MYH14: variants seen among roughly 807,000 people sequenced by gnomAD.
MYH14 encodes the protein myosin-14.
In MYH14, 123 loss-of-function variants were observed where a neutral mutation model predicts 255.5. The observed-to-expected ratio is 0.48, with a 90% confidence interval of 0.42 to 0.56. The LOEUF is 0.56. Among genes scored for constraint, MYH14 ranks in the 20% least tolerant of loss-of-function variants. MYH14 has a pLI of 0.00. For missense variants in MYH14, 2,423 were observed against 2,802.3 expected, an observed-to-expected ratio of 0.86 and a Z score of 3.06; for synonymous variants, 1,095 against 1,161.2, an observed-to-expected ratio of 0.94 and a Z score of 1.16.
At position 50,247,038 on chromosome 19, in the gene MYH14, G is replaced by A. The variant is rs765941822; in HGVS notation, c.1245G>A (p.Gly415=). The change falls in exon 12 of 43, where the codon GGG becomes GGA. Residue 415 remains glycine, a synonymous_variant. Coordinates refer to ENST00000642316, the MANE Select transcript of MYH14 (RefSeq NM_001145809.2). ...AGCTCTGCCGCCTCTTGGGACTGGG[G>A]GTGACGGATTTCTCCCGAGCCTTGC... The part of the protein sequence containing the change: ...AQKLCRLLGL[G]VTDFSRALLT... The A allele has an allele frequency of 7.4e-6, 12 of 1,613,012 alleles. No individual in the cohort carries two copies. The South Asian group carries it at 1.2e-4, about 16-fold the overall frequency.
chr19:50,219,954 A>G (rs1203583463), intron 3 of MYH14, among the ~76,000 whole-genome samples: 3 of 152,096 alleles, frequency 2.0e-5, no homozygotes, highest in Non-Finnish European at 4.4e-5. Context: ...TAATCCCAGC[A>G]CTTTGGGAGG....
intron 34 of MYH14, among the ~76,000 whole-genome samples, chr19:50,288,319 G>A (rs938700235): frequency 5.9e-5 from 9 of 152,264 alleles, no homozygotes; most frequent in East Asian, 1.9e-4. Flanking sequence ...GCACTTAGAC[G>A]TTGATCCGAT....
chr19:50,278,189 G>A lies in MYH14; in HGVS notation c.3932G>A (p.Arg1311Gln), dbSNP rs747431212. The A allele has an allele frequency of 3.1e-6, 5 of 1,611,768 alleles. No individual in the cohort carries two copies. Among genetic ancestry groups the A allele is most frequent in the East Asian group, 2.2e-5 (1 of 44,816 alleles). Reference sequence around the variant, plus strand: ...ACTGCACGTCAGGAGGGTGAGCAGCGGAGGCGCCGCCTGGAGTTACAGCTG... The same window carrying A: ...ACTGCACGTCAGGAGGGTGAGCAGCAGAGGCGCCGCCTGGAGTTACAGCTG... ...LQTARQEGEQ[R>Q]RRRLELQLQE... Residue 1311 changes from arginine to glutamine, a missense_variant, in exon 30 of 43, where the codon CGG becomes CAG. Physicochemically the swap from Arg to Gln is conservative, Grantham distance 43. Coordinates refer to ENST00000642316, the MANE Select transcript of MYH14 (RefSeq NM_001145809.2).
chr19:50,268,507 C>T (rs958239504), intron 24 of MYH14, 140 bp downstream of exon 24: 17 of 943,780 alleles, frequency 1.8e-5, no homozygotes, highest in Admixed American at 5.3e-5. Context: ...AAAAAGAATA[C>T]ATTTTTGATT....
intron 16 of MYH14, among the ~76,000 whole-genome samples, chr19:50,254,797 T>C (rs1475334236): frequency 5.9e-5 from 9 of 152,164 alleles, no homozygotes; most frequent in African/African-American, 2.2e-4. Context: ...ATGCCCAGCA[T>C]CCTGACAGCC....
chr19:50,268,013 G>A, intron 23 of MYH14, 148 bp from the exon 24 acceptor site: 8 of 944,044 alleles, frequency 8.5e-6, no homozygotes, highest in Non-Finnish European at 1.1e-5. Flanking sequence ...ACCTGAGGGG[G>A]AGGAGGTGGG....
rs1477325322 is a variant in MYH14, at chr19:50,252,004, A to G, written c.1831-635A>G. Among the ~76,000 whole-genome samples, 1 of 152,166 alleles carries G rather than the reference A, an allele frequency of 6.6e-6. No individual in the cohort carries two copies. The highest frequency in any genetic ancestry group is 1.5e-5 in the Non-Finnish European group (1 of 68,030). The stretch of plus-strand genomic sequence containing the variant: ...CCCAGAGGATGGGTGAAGGGTGGGA[A>G]GGGCTCTCCAGGCAGAGGGAACAGC... On this transcript the variant is annotated intron_variant, in intron 15 of 42. Transcript: ENST00000642316. This position sits in a 1 kb window ranked among gnomAD's most constrained non-coding sequence, Gnocchi z 4.2.
At chr19:50,226,846 C>A (rs531582473) in intron 7 of MYH14, 57 bp from the exon 8 acceptor site, 1 of 1,553,664 alleles carries the variant, frequency 6.4e-7, no homozygotes, top group Non-Finnish European at 8.9e-7. Context: ...CTGTTGTTCA[C>A]GTGTGAGTGG....
chr19:50,224,137 TC>T lies in MYH14; in HGVS notation c.694-14del. 1 of 1,604,084 alleles carries T rather than the reference TC, an allele frequency of 6.2e-7. No homozygotes were observed. The highest frequency in any genetic ancestry group is 8.5e-7 in the Non-Finnish European group (1 of 1,173,838). On this transcript the variant is annotated splice_polypyrimidine_tract_variant and intron_variant, in intron 5 of 42. Transcript: ENST00000642316. ...GCTGTGTCCTGGTCCGTGTCTCGTG[TC>T]CCGTGACTTCCTCAGGCCTCCGTCA...
intron 27 of MYH14, among the ~76,000 whole-genome samples, 160 bp downstream of exon 27, chr19:50,272,891 C>T (rs982994334): frequency 7.9e-5 from 12 of 152,070 alleles, no homozygotes; most frequent in Admixed American, 3.9e-4. Context: ...CCCCTTCTGT[C>T]AAATGAAGAT....
intron 10 of MYH14, among the ~76,000 whole-genome samples, chr19:50,233,101 C>T (rs1039601240): frequency 4.6e-5 from 7 of 151,984 alleles, no homozygotes; most frequent in African/African-American, 1.4e-4. Flanking sequence ...GCCCAGGCTG[C>T]GCGGCACTGG....
chr19:50,259,771 G>C (rs11084009), intron 19 of MYH14, among the ~76,000 whole-genome samples: 1 of 151,874 alleles, frequency 6.6e-6, no homozygotes, highest in Admixed American at 6.6e-5. Context: ...CCAGCTACTC[G>C]GGAGGCTGAG....
rs2036827175 is a variant in MYH14, at chr19:50,310,485, T to C, written c.*695T>C. ...GCTTCCCTCTGGGACTAAAGGAGTGTCCTTTACCCTCCCAGCCTCCAGGCT... is the reference window on the plus strand; with the variant it reads ...GCTTCCCTCTGGGACTAAAGGAGTGCCCTTTACCCTCCCAGCCTCCAGGCT... On this transcript the variant is annotated 3_prime_UTR_variant, in exon 43 of 43. Transcript: ENST00000642316. The C allele has an allele frequency of 6.6e-6, 1 of 152,402 alleles. No individual in the cohort carries two copies. Among genetic ancestry groups the C allele is most frequent in the South Asian group, 2.1e-4 (1 of 4,828 alleles). The allele number at this position is 152,402 out of a possible 1,614,324, so 9.4% of individuals were successfully genotyped here. A position where few individuals can be genotyped will look rare whatever the true frequency, so the allele number is the denominator to read the frequency against.
chr19:50,272,538 C>T lies in MYH14; in HGVS notation c.3296-22C>T, dbSNP rs372650229. On this transcript the variant is annotated intron_variant, in intron 26 of 42. Transcript: ENST00000642316. ...TGTGCAGGCCTGGAGTCCTCATGCA[C>T]GGCCCCCACCCCTGCCTCCAGACCG... The T allele has an allele frequency of 5.5e-5, 86 of 1,555,440 alleles. No homozygotes were observed. The African/African-American group carries it at 9.0e-4, about 16-fold the overall frequency.
At chr19:50,295,704 T>A (rs1338615951) in intron 39 of MYH14, among the ~76,000 whole-genome samples, 2 of 150,960 alleles carry the variant, frequency 1.3e-5, no homozygotes, top group African/African-American at 4.9e-5. Context: ...GTTGGGAGGA[T>A]CACCTGAGCC....
In MYH14 at chr19:50,249,785, C is replaced by G; in HGVS notation, c.1618C>G (p.Leu540Val). The change falls in exon 14 of 43, where the codon CTC becomes GTC. Residue 540 changes from leucine (L) to valine (V), a missense_variant. Leu to Val is a conservative substitution (Grantham distance 32). Transcript: ENST00000642316. ...CCCCTGGACCTTCCTCGACTTTGGC[C>G]TCGACCTGCAGCCCTGCATCGACCT... ...GIPWTFLDFG[L>V]DLQPCIDLIE... 6.2e-7 allele frequency: 1 copy of G among 1,614,218 alleles called. No individual in the cohort carries two copies. Among genetic ancestry groups the G allele is most frequent in the Non-Finnish European group, 8.5e-7 (1 of 1,180,042 alleles).
At chr19:50,274,630 G>A (rs931587966) in intron 27 of MYH14, among the ~76,000 whole-genome samples, 4 of 152,090 alleles carry the variant, frequency 2.6e-5, no homozygotes, top group African/African-American at 9.7e-5. Context: ...AGGAAACCCT[G>A]TATGTATTAA....
chr19:50,288,716 C>T (rs1404248786), intron 34 of MYH14, among the ~76,000 whole-genome samples: 1 of 152,022 alleles, frequency 6.6e-6, no homozygotes. Flanking sequence ...GGGTGTTGCA[C>T]AAAAAGCCAC....
intron 34 of MYH14, among the ~76,000 whole-genome samples, chr19:50,287,219 A>G (rs1296604115): frequency 1.3e-5 from 2 of 152,242 alleles, no homozygotes; most frequent in Non-Finnish European, 1.5e-5. Flanking sequence ...GCTAATGCAC[A>G]CGCATAGAAA....
Sources: gnomAD v4.1 joint callset for allele counts (sites outside exome capture counted in the v4.1 genomes callset) on GRCh38, gnomAD v4.1.1 for gene constraint, Gnocchi (gnomAD v3.1) non-coding constraint, MANE v1.5 for transcripts, NCBI Gene and HGNC (gene_info 2026-07-23, HGNC 2026-07-21) for gene names.